Variants in TGFBR2 observed in about 807,000 individuals in gnomAD.
TGFBR2 encodes transforming growth factor beta receptor 2.
Under a neutral mutation model 49.0 loss-of-function variants are expected in TGFBR2, and 18 were observed. The observed-to-expected ratio is 0.37, with a 90% CI of 0.25 to 0.54. The LOEUF (loss-of-function observed/expected upper bound fraction) is 0.54, where lower values mean the gene tolerates loss of function less well. Ranked by LOEUF, TGFBR2 falls within the 20% of genes least tolerant of loss-of-function variation. TGFBR2 has a pLI of 0.85. For missense variants in TGFBR2, 525 were observed against 722.6 expected (o/e 0.73, Z 3.13); for synonymous variants, 282 against 275.9 (o/e 1.02, Z -0.22).
chr3:30,668,762 C>CA (rs1699287321), intron 3 of TGFBR2, among the ~76,000 whole-genome samples: 2 of 151,714 alleles, frequency 1.3e-5, no homozygotes, highest in Admixed American at 6.6e-5. Flanking sequence ...TATATCTTTC[C>CA]AAAAAATGGT....
At chr3:30,620,777 C>A (rs2125451391) in intron 1 of TGFBR2, among the ~76,000 whole-genome samples, 1 of 152,224 alleles carries the variant, frequency 6.6e-6, no homozygotes, top group South Asian at 2.1e-4. Flanking sequence ...TAGATGATTT[C>A]AGTCATTGGG....
At chr3:30,607,780 G>GAAAAAA (rs1697949059) in intron 1 of TGFBR2, among the ~76,000 whole-genome samples, 1 of 128,358 alleles carries the variant, frequency 7.8e-6, no homozygotes, top group South Asian at 2.3e-4. Context: ...GGTTTTTAAG[G>GAAAAAA]AAAAAATAAA....
intron 1 of TGFBR2, among the ~76,000 whole-genome samples, chr3:30,640,427 C>T (rs1304399693): frequency 6.6e-6 from 1 of 152,142 alleles, no homozygotes; most frequent in Non-Finnish European, 1.5e-5. Flanking sequence ...GGTTCCAAGA[C>T]TCCTCGAGGA....
chr3:30,635,684 G>A (rs941789434), intron 1 of TGFBR2, among the ~76,000 whole-genome samples: 3 of 152,136 alleles, frequency 2.0e-5, no homozygotes, highest in African/African-American at 7.2e-5. Flanking sequence ...GTACCTCATT[G>A]GATGAATTCA....
chr3:30,607,017 G>T lies in TGFBR2; in HGVS notation c.94+40G>T, dbSNP rs561070366. 827 of 1,522,842 alleles carry T rather than the reference G, an allele frequency of 5.4e-4. 12 individuals carry two copies. The South Asian group carries it at 9.0e-3, about 16-fold the overall frequency. 94.3% of individuals were successfully genotyped at this position (1,522,842 alleles called of 1,614,324 possible). On this transcript the variant is annotated intron_variant, in intron 1 of 6. Coordinates refer to ENST00000295754, the MANE Select transcript of TGFBR2 (RefSeq NM_003242.6). ...GCCCGGGCTCGGCGGGGCGCCGGGG[G>T]TCTTCCTGGGGTCCCCGCCTCTCCG...
chr3:30,653,673 T>C (rs1424029346), intron 3 of TGFBR2, among the ~76,000 whole-genome samples: 4 of 152,230 alleles, frequency 2.6e-5, no homozygotes, highest in African/African-American at 4.8e-5. Flanking sequence ...GGCAAGTTCC[T>C]GATCTGCAGC....
chr3:30,653,869 C>A (rs1698946248), intron 3 of TGFBR2, among the ~76,000 whole-genome samples: 2 of 152,148 alleles, frequency 1.3e-5, no homozygotes, highest in Admixed American at 6.5e-5. Flanking sequence ...CTCATTTAAT[C>A]TTATAGCCAC....
At chr3:30,677,856 A>G (rs536617586) in intron 5 of TGFBR2, among the ~76,000 whole-genome samples, 1 of 152,276 alleles carries the variant, frequency 6.6e-6, no homozygotes, top group Admixed American at 6.5e-5. Context: ...TTTTTAAAAA[A>G]CTTACACATG....
At position 30,694,126 on chromosome 3, in the gene TGFBR2, C is replaced by T; in HGVS notation, c.*2527C>T. ...AGGTGAGCATCCTGCCTCCTGTTCC[C>T]ATTCCTAGTAGCTAAATCCATTTGC... On this transcript the variant is annotated 3_prime_UTR_variant, in exon 7 of 7. Coordinates refer to ENST00000295754, the MANE Select transcript of TGFBR2 (RefSeq NM_003242.6). The T allele has an allele frequency of 4.4e-6, 1 of 227,192 alleles. No homozygotes were observed. Among genetic ancestry groups the T allele is most frequent in the Admixed American group, 5.7e-5 (1 of 17,602 alleles). The allele number at this position is 227,192 out of a possible 1,614,324, so 14.1% of individuals were successfully genotyped here. A position where few individuals can be genotyped will look rare whatever the true frequency, so the allele number is the denominator to read the frequency against.
intron 1 of TGFBR2, among the ~76,000 whole-genome samples, chr3:30,642,388 GT>G (rs1171680230): frequency 2.0e-5 from 3 of 152,120 alleles, no homozygotes; most frequent in African/African-American, 7.2e-5. Context: ...CTCAACCTTG[GT>G]TCCACATTAG....
In TGFBR2 at chr3:30,691,444, T is replaced by C. The variant is rs1559473413; in HGVS notation, c.1549T>C (p.Leu517=). The change falls in exon 7 of 7, where the codon TTG becomes CTG. Residue 517 remains leucine, a synonymous_variant. Transcript: ENST00000295754. The part of the protein sequence containing the change: ...HQGIQMVCET[L]TECWDHDPEA... ...GGGCATCCAGATGGTGTGTGAGACG[T>C]TGACTGAGTGCTGGGACCACGACCC... The C allele has an allele frequency of 6.2e-7, 1 of 1,613,918 alleles. No homozygotes were observed. The highest frequency in any genetic ancestry group is 1.7e-5 in the Admixed American group (1 of 60,002).
intron 4 of TGFBR2, among the ~76,000 whole-genome samples, chr3:30,673,733 AT>A (rs897936720): frequency 6.6e-5 from 10 of 151,608 alleles, no homozygotes; most frequent in African/African-American, 2.4e-4. Context: ...ATAAAAAAAA[AT>A]TCAATTTTGG....
At chr3:30,648,419 T>TACACACACACACACACACACACAC (rs35473576) in intron 2 of TGFBR2, among the ~76,000 whole-genome samples, 15 of 115,614 alleles carry the variant, frequency 1.3e-4, no homozygotes, top group African/African-American at 3.4e-4. Flanking sequence ...AAAAACAACC[T>TACACACACACACACACACACACAC]ACACACACAC....
At chr3:30,607,892 G>A (rs568513435) in intron 1 of TGFBR2, among the ~76,000 whole-genome samples, 5 of 146,010 alleles carry the variant, frequency 3.4e-5, no homozygotes, top group African/African-American at 1.3e-4. Context: ...AGGAATGGGG[G>A]TTCTTAACTA....
At chr3:30,633,146 T>A (rs1698467462) in intron 1 of TGFBR2, among the ~76,000 whole-genome samples, 1 of 152,214 alleles carries the variant, frequency 6.6e-6, no homozygotes, top group South Asian at 2.1e-4. Context: ...CCATTGGCTT[T>A]GTCTTTTATT....
intron 5 of TGFBR2, among the ~76,000 whole-genome samples, chr3:30,678,572 G>T (rs956340441): frequency 1.4e-5 from 2 of 146,418 alleles, no homozygotes; most frequent in Admixed American, 6.8e-5. Context: ...AAAAAAAGAG[G>T]TATGGTCCAC....
At chr3:30,623,075 A>G in intron 1 of TGFBR2, 1 of 675,722 alleles carries the variant, frequency 1.5e-6, no homozygotes, top group Non-Finnish European at 2.7e-6. Context: ...GTCTAGTTAT[A>G]ATAATCTTTT....
At position 30,675,916 on chromosome 3, in the gene TGFBR2, G is replaced by A. The variant is rs1253344864; in HGVS notation, c.1396+1670G>A. On this transcript the variant is annotated intron_variant, in intron 5 of 6. Coordinates refer to ENST00000295754, the MANE Select transcript of TGFBR2 (RefSeq NM_003242.6). Reference sequence around the variant, plus strand: ...CCAGTAATGTTCTTTTCTGAAACAGGATCCAGTCTAGGATCCCGCATTGAT... The same window carrying A: ...CCAGTAATGTTCTTTTCTGAAACAGAATCCAGTCTAGGATCCCGCATTGAT... Among the ~76,000 whole-genome samples the A allele has an allele frequency of 2.6e-5, 4 of 152,234 alleles. No individual in the cohort carries two copies. In the East Asian group the frequency reaches 7.7e-4, roughly 29 times the overall value.
In TGFBR2 at chr3:30,640,224, G is replaced by T. The variant is rs138275942; in HGVS notation, c.95-4523G>T. Among the ~76,000 whole-genome samples the T allele has an allele frequency of 7.5e-3, 1,145 of 152,314 alleles. 53 individuals are homozygous for T. The highest frequency in any genetic ancestry group is 0.064 in the Admixed American group (985 of 15,298). ...GTGATACTATCATATGCTGAGAGAT[G>T]CTACCCATGTTCACTTCCTTTAGTG... On this transcript the variant is annotated intron_variant, in intron 1 of 6. Coordinates refer to ENST00000295754, the MANE Select transcript of TGFBR2 (RefSeq NM_003242.6).
Sources: gnomAD v4.1 joint callset for allele counts (sites outside exome capture counted in the v4.1 genomes callset) on GRCh38, gnomAD v4.1.1 for gene constraint, MANE v1.5 for transcripts, NCBI Gene and HGNC (gene_info 2026-07-23, HGNC 2026-07-21) for gene names.